GORASP1: variants seen among roughly 807,000 people sequenced by gnomAD.
GORASP1 encodes the protein golgi reassembly stacking protein 1, also known as Golgi reassembly-stacking protein 1.
In GORASP1, 31 loss-of-function variants were observed where a neutral mutation model predicts 37.7. The observed-to-expected ratio is 0.82, with a 90% CI of 0.62 to 1.11. GORASP1 has a LOEUF of 1.11. Ranked by LOEUF, GORASP1 falls within the 50% of genes least tolerant of loss-of-function variation. The pLI, the probability that GORASP1 is intolerant of heterozygous loss-of-function variation, is 0.00. For synonymous variants in GORASP1, 204 were observed against 224.8 expected, an observed-to-expected ratio of 0.91 and a Z score of 0.83; for missense variants, 476 against 560.7, an observed-to-expected ratio of 0.85 and a Z score of 1.53.
In GORASP1 at chr3:39,103,466, A is replaced by T; in HGVS notation, c.144+7T>A. On this transcript the variant is annotated splice_region_variant and intron_variant, in intron 2 of 8. Transcript: ENST00000319283. This position sits in a 1 kb window ranked among gnomAD's most constrained non-coding sequence, Gnocchi z 5.2. ...CAAGCAAAGCAGAGGCAGGTTGGGG[A>T]ACTCACCAGCCTCGAGTGCCCAATG... 1 of 1,608,292 alleles carries T rather than the reference A, an allele frequency of 6.2e-7. No individual in the cohort carries two copies. The highest frequency in any genetic ancestry group is 8.5e-7 in the Non-Finnish European group (1 of 1,176,736).
chr3:39,107,596 AC>A lies in GORASP1; in HGVS notation c.-56del, dbSNP rs2125720205. 4 of 1,450,568 alleles carry A rather than the reference AC, an allele frequency of 2.8e-6. 1 individual carries two copies. The East Asian group carries it at 1.0e-4, about 36-fold the overall frequency. The allele number at this position is 1,450,568 out of a possible 1,614,324, so 89.9% of individuals were successfully genotyped here. A position where few individuals can be genotyped will look rare whatever the true frequency, so the allele number is the denominator to read the frequency against. ...AGTCCCGCTGCGCCTACCCGGACCG[AC>A]CCGACGCCAGTAGCACCGACTCGCT... On this transcript the variant is annotated 5_prime_UTR_variant, in exon 1 of 9. Transcript: ENST00000319283.
In GORASP1 at chr3:39,098,346, C is replaced by G. The variant is rs753945398; in HGVS notation, c.1213G>C (p.Glu405Gln). The G allele has an allele frequency of 8.7e-6, 14 of 1,614,188 alleles. No homozygotes were observed. Among genetic ancestry groups the G allele is most frequent in the Non-Finnish European group, 1.1e-5 (13 of 1,180,042 alleles). The part of the protein sequence containing the change: ...AASPEDGLSA[E>Q]LLEAQAEEEP... Reference sequence around the variant, plus strand: ...TCCTCAGCCTGAGCTTCAAGCAGCTCGGCGGACAGCCCATCTTCTGGTGAG... The same window carrying G: ...TCCTCAGCCTGAGCTTCAAGCAGCTGGGCGGACAGCCCATCTTCTGGTGAG... The change falls in exon 9 of 9, where the codon GAG becomes CAG. Residue 405 changes from glutamate to glutamine, a missense_variant. Physicochemically the swap from Glu to Gln is conservative, Grantham distance 29 (BLOSUM62 2). Transcript: ENST00000319283. This position sits in a 1 kb window ranked among gnomAD's most constrained non-coding sequence, Gnocchi z 4.7.
intron 1 of GORASP1, chr3:39,106,922 C>A: frequency 3.0e-6 from 1 of 334,360 alleles, no homozygotes; most frequent in South Asian, 2.1e-5. Flanking sequence ...CTCTCCCGGC[C>A]CTCCCGCTCC....
Position 39,103,324 on chromosome 3 carries a change from T to C in GORASP1, c.144+149A>G. 1 of 627,916 alleles carries C rather than the reference T, an allele frequency of 1.6e-6. No individual in the cohort carries two copies. 38.9% of individuals were successfully genotyped at this position (627,916 alleles called of 1,614,324 possible). A position where few individuals can be genotyped will look rare whatever the true frequency, so the allele number is the denominator to read the frequency against. On this transcript the variant is annotated intron_variant, in intron 2 of 8. Coordinates refer to ENST00000319283, the MANE Select transcript of GORASP1 (RefSeq NM_031899.4). The surrounding 1 kb of genome is among the most constrained non-coding windows in gnomAD (Gnocchi z 5.2). ...ACTGGGCAGGGCCCCAGTCAGGCTC[T>C]GAGTACAGCCCTGGAAGAAGGGGAG...
Position 39,103,621 on chromosome 3 carries a change from T to C in GORASP1, c.64-68A>G. 1 of 1,243,882 alleles carries C rather than the reference T, an allele frequency of 8.0e-7. No homozygotes were observed. The highest frequency in any genetic ancestry group is 1.1e-6 in the Non-Finnish European group (1 of 875,180). 77.1% of individuals were successfully genotyped at this position (1,243,882 alleles called of 1,614,324 possible). ...ACTCTCCAAGTAGCCCTCTCCCCCA[T>C]TTCAGGAACCATCAGCACTCCCAGT... is the stretch of plus-strand genomic sequence containing the variant. On this transcript the variant is annotated intron_variant, in intron 1 of 8. Coordinates refer to ENST00000319283, the MANE Select transcript of GORASP1 (RefSeq NM_031899.4). The surrounding 1 kb of genome is among the most constrained non-coding windows in gnomAD (Gnocchi z 5.2).
chr3:39,104,232 C>T (rs1332393557), intron 1 of GORASP1, among the ~76,000 whole-genome samples: 3 of 152,190 alleles, frequency 2.0e-5, no homozygotes, highest in Non-Finnish European at 2.9e-5. Context: ...GCTCAGCTGC[C>T]CTACCAGCCT....
rs1286259499 is a variant in GORASP1 at position 39,098,575 on chromosome 3, A to G, written c.1070-86T>C. The G allele has an allele frequency of 3.3e-6, 5 of 1,528,500 alleles. No individual in the cohort carries two copies. Among genetic ancestry groups the G allele is most frequent in the Non-Finnish European group, 4.4e-6 (5 of 1,132,280 alleles). 94.7% of individuals were successfully genotyped at this position (1,528,500 alleles called of 1,614,324 possible). A position where few individuals can be genotyped will look rare whatever the true frequency, so the allele number is the denominator to read the frequency against. ...CCAGTAACCCCACCGACCGCTCCCC[A>G]TTGCCACTCCAGGTTTGATGGGGGA... On this transcript the variant is annotated intron_variant, in intron 8 of 8. Coordinates refer to ENST00000319283, the MANE Select transcript of GORASP1 (RefSeq NM_031899.4). The surrounding 1 kb of genome is among the most constrained non-coding windows in gnomAD (Gnocchi z 4.7).
chr3:39,099,486 A>AG lies in GORASP1; in HGVS notation c.782dup (p.Gly262TrpfsTer22). ...GAAGGGGATCCTCCATGGAGGAGCCAGGTGCCTGCAGCAGGGCCTAGGAAA... is the reference window on the plus strand; with the variant it reads ...GAAGGGGATCCTCCATGGAGGAGCCAGGGTGCCTGCAGCAGGGCCTAGGAAA... On this transcript the variant is annotated frameshift_variant, in exon 7 of 9. Transcript: ENST00000319283. LOFTEE classifies it high-confidence loss of function. 6.2e-7 allele frequency: 1 copy of AG among 1,610,650 alleles called. No individual in the cohort carries two copies. The highest frequency in any genetic ancestry group is 1.1e-5 in the South Asian group (1 of 90,318).
At chr3:39,107,300 G>A (rs2036244766) in intron 1 of GORASP1, 179 bp downstream of exon 1, 3 of 459,954 alleles carry the variant, frequency 6.5e-6, no homozygotes, top group South Asian at 2.9e-5. Flanking sequence ...GGGTCCGGGA[G>A]TCCCGCGAGG....
At chr3:39,099,554 G>A in intron 6 of GORASP1, 51 bp from the exon 7 acceptor site, 1 of 1,574,416 alleles carries the variant, frequency 6.4e-7, no homozygotes, top group Non-Finnish European at 8.6e-7. Flanking sequence ...GTGCCTCAAG[G>A]TGAAGAATTT....
Position 39,102,845 on chromosome 3 carries a change from C to T in GORASP1, c.181G>A (p.Ala61Thr). Residue 61 changes from alanine (A) to threonine (T), a missense_variant, in exon 3 of 9, where the codon GCC becomes ACC. By Grantham distance (58) the Ala-to-Thr change is moderately conservative. Coordinates refer to ENST00000319283, the MANE Select transcript of GORASP1 (RefSeq NM_031899.4). This position sits in a 1 kb window ranked among gnomAD's most constrained non-coding sequence, Gnocchi z 5.0. Reference sequence around the variant, plus strand: ...AGCTTCACGGGCTTCTCCACATTGGCTTTCAGTAGTGCCTTCAGGGTGTCA... The same window carrying T: ...AGCTTCACGGGCTTCTCCACATTGGTTTTCAGTAGTGCCTTCAGGGTGTCA... Reference protein sequence around the residue: ...ENDTLKALLKANVEKPVKLEV... With the variant: ...ENDTLKALLKTNVEKPVKLEV... 1 of 1,614,246 alleles carries T rather than the reference C, an allele frequency of 6.2e-7. No individual in the cohort carries two copies. Among genetic ancestry groups the T allele is most frequent in the Non-Finnish European group, 8.5e-7 (1 of 1,180,050 alleles).
Position 39,101,338 on chromosome 3 carries a change from A to G in GORASP1, c.349-236T>C, listed in dbSNP as rs2035696628. 5.5e-5 allele frequency: 33 copies of G among 603,604 alleles called. No individual in the cohort carries two copies. The South Asian group carries it at 6.2e-4, about 11-fold the overall frequency. 37.4% of individuals were successfully genotyped at this position (603,604 alleles called of 1,614,324 possible). ...ATAAGGCTCAGCACCAGGCTCTGGA[A>G]TCTGACCCCGGGCTCAACCCCTGGC... On this transcript the variant is annotated intron_variant, in intron 3 of 8. Coordinates refer to ENST00000319283, the MANE Select transcript of GORASP1 (RefSeq NM_031899.4).
At chr3:39,104,594 C>T (rs1417493425) in intron 1 of GORASP1, among the ~76,000 whole-genome samples, 1 of 152,240 alleles carries the variant, frequency 6.6e-6, no homozygotes, top group African/African-American at 2.4e-5. Context: ...CCTGTGGCTC[C>T]TGCTACATAC....
At chr3:39,101,292 C>T in intron 3 of GORASP1, 190 bp from the exon 4 acceptor site, 1 of 632,744 alleles carries the variant, frequency 1.6e-6, no homozygotes, top group Non-Finnish European at 2.9e-6. Flanking sequence ...TACAGCCTGT[C>T]CAGCAGAGGG....
At chr3:39,104,827 G>A (rs2035940187) in intron 1 of GORASP1, among the ~76,000 whole-genome samples, 1 of 152,230 alleles carries the variant, frequency 6.6e-6, no homozygotes, top group African/African-American at 2.4e-5. Flanking sequence ...GCCTGGCCCA[G>A]TAGGCAAGCT....
chr3:39,100,551 T>C lies in GORASP1; in HGVS notation c.567-48A>G. 6.6e-7 allele frequency: 1 copy of C among 1,517,222 alleles called. No homozygotes were observed. Among genetic ancestry groups the C allele is most frequent in the Non-Finnish European group, 8.8e-7 (1 of 1,131,994 alleles). The allele number at this position is 1,517,222 out of a possible 1,614,324, so 94.0% of individuals were successfully genotyped here. On this transcript the variant is annotated intron_variant, in intron 5 of 8. Transcript: ENST00000319283. This position sits in a 1 kb window ranked among gnomAD's most constrained non-coding sequence, Gnocchi z 4.6. ...AATCCAGGGGCTTGTCCCACGGCCC[T>C]CCCTACCTTTGCTATCCCCACCTAC... is the stretch of plus-strand genomic sequence containing the variant.
At position 39,100,174 on chromosome 3, in the gene GORASP1, G is replaced by A; in HGVS notation, c.765+131C>T. 1 of 834,164 alleles carries A rather than the reference G, an allele frequency of 1.2e-6. No homozygotes were observed. The highest frequency in any genetic ancestry group is 2.6e-5 in the East Asian group (1 of 38,064). The allele number at this position is 834,164 out of a possible 1,614,324, so 51.7% of individuals were successfully genotyped here. Reference sequence around the variant, plus strand: ...TCACTGCTCCAGGCATGGCCTGCCTGCTCCCACTGGGTCCCAGAAGTACAT... The same window carrying A: ...TCACTGCTCCAGGCATGGCCTGCCTACTCCCACTGGGTCCCAGAAGTACAT... On this transcript the variant is annotated intron_variant, in intron 6 of 8. Transcript: ENST00000319283. The surrounding 1 kb of genome is among the most constrained non-coding windows in gnomAD (Gnocchi z 4.6).
Position 39,100,679 on chromosome 3 carries a change from C to CT in GORASP1, c.566+67dup. On this transcript the variant is annotated intron_variant, in intron 5 of 8. Transcript: ENST00000319283. The surrounding 1 kb of genome is among the most constrained non-coding windows in gnomAD (Gnocchi z 4.6). Reference sequence around the variant, plus strand: ...CCTCCTCCATCTCCACCATAGAACTCTGAGGTCCATGCCCAATGGTCAGGC... The same window carrying CT: ...CCTCCTCCATCTCCACCATAGAACTCTTGAGGTCCATGCCCAATGGTCAGGC... 1 of 1,586,478 alleles carries CT rather than the reference C, an allele frequency of 6.3e-7. No individual in the cohort carries two copies.
intron 7 of GORASP1, 104 bp downstream of exon 7, chr3:39,099,249 C>G: frequency 8.1e-7 from 1 of 1,239,116 alleles, no homozygotes; most frequent in Non-Finnish European, 1.2e-6. Flanking sequence ...TCTTGGTATA[C>G]ATGAGATATG....
Sources: allele counts gnomAD v4.1 joint callset (sites outside exome capture counted in the v4.1 genomes callset), GRCh38; gene constraint gnomAD v4.1.1; non-coding constraint Gnocchi (gnomAD v3.1); transcripts MANE v1.5; gene names NCBI Gene and HGNC (gene_info 2026-07-23, HGNC 2026-07-21).